Variants in DCDC2 observed in about 807,000 individuals in gnomAD.
DCDC2 encodes the protein doublecortin domain containing 2.
Under a neutral mutation model 50.2 loss-of-function variants are expected in DCDC2, and 40 were observed. The ratio of observed to expected loss-of-function variants is 0.80; its 90% CI spans 0.62 to 1.04. The LOEUF (loss-of-function observed/expected upper bound fraction) is 1.04, where lower values mean the gene tolerates loss of function less well. Among genes scored for constraint, DCDC2 ranks in the 50% least tolerant of loss-of-function variants. DCDC2 has a pLI of 0.00. For synonymous variants in DCDC2, 234 were observed against 210.6 expected (o/e 1.11, Z -0.96); for missense variants, 570 against 581.9 (o/e 0.98, Z 0.21).
At chr6:24,203,472 T>C (rs1238914736) in intron 8 of DCDC2, among the ~76,000 whole-genome samples, 1 of 152,116 alleles carries the variant, frequency 6.6e-6, no homozygotes, top group Non-Finnish European at 1.5e-5. Flanking sequence ...TTACATCTTA[T>C]AGAAAAATTA....
chr6:24,369,154 C>A, the DCDC2 span, among the ~76,000 whole-genome samples: 161 of 121,428 alleles, frequency 1.3e-3, no homozygotes, highest in African/African-American at 1.9e-3. Flanking sequence ...AAAAAAAAAA[C>A]CAAAAAGAGA....
the DCDC2 span, among the ~76,000 whole-genome samples, chr6:24,366,929 C>G: frequency 3.3e-5 from 5 of 151,968 alleles, no homozygotes; most frequent in Non-Finnish European, 5.9e-5. Context: ...AACTTCTAGG[C>G]TTAAGCAATC....
intron 6 of DCDC2, among the ~76,000 whole-genome samples, chr6:24,285,339 G>A (rs1027315110): frequency 6.6e-5 from 10 of 152,266 alleles, no homozygotes; most frequent in South Asian, 2.1e-4. Context: ...TTTGCTTAAC[G>A]TCACTTCCTC....
chr6:24,191,883 A>T (rs776971460), intron 8 of DCDC2, among the ~76,000 whole-genome samples: 1 of 152,204 alleles, frequency 6.6e-6, no homozygotes, highest in Non-Finnish European at 1.5e-5. Context: ...TGGATGGATG[A>T]CAGCAGACCT....
intron 7 of DCDC2, among the ~76,000 whole-genome samples, chr6:24,273,533 T>C (rs1237668112): frequency 2.0e-5 from 3 of 152,210 alleles, no homozygotes; most frequent in African/African-American, 7.2e-5. Context: ...TAAACAACAC[T>C]AGTGTGCCAC....
At chr6:24,340,658 G>C (rs558808336) in intron 2 of DCDC2, among the ~76,000 whole-genome samples, 1 of 152,264 alleles carries the variant, frequency 6.6e-6, no homozygotes, top group East Asian at 1.9e-4. Context: ...TGAATATGGA[G>C]TTTTATCACT....
At chr6:24,238,730 C>T (rs1264674135) in intron 7 of DCDC2, among the ~76,000 whole-genome samples, 1 of 152,196 alleles carries the variant, frequency 6.6e-6, no homozygotes, top group African/African-American at 2.4e-5. Flanking sequence ...CAATATCTGT[C>T]TTCAAATACC....
intron 8 of DCDC2, among the ~76,000 whole-genome samples, chr6:24,179,254 A>G (rs901992319): frequency 6.6e-6 from 1 of 152,180 alleles, no homozygotes. Context: ...CTGTAAGAAT[A>G]ATAAATGCTG....
rs373547216 is a variant in DCDC2, at chr6:24,190,991, C to T, written c.1024-12359G>A. Reference sequence around the variant, plus strand: ...AGAGGACCAAACTGGAAGACAGGACCGCTGTGCTAATTCTACTACCAACGG... The same window carrying T: ...AGAGGACCAAACTGGAAGACAGGACTGCTGTGCTAATTCTACTACCAACGG... On this transcript the variant is annotated intron_variant, in intron 8 of 9. Coordinates refer to ENST00000378454, the MANE Select transcript of DCDC2 (RefSeq NM_016356.5). Among the ~76,000 whole-genome samples the T allele has an allele frequency of 3.3e-5, 5 of 152,284 alleles. No individual in the cohort carries two copies. In the South Asian group the frequency reaches 8.3e-4, roughly 25 times the overall value.
the DCDC2 span, among the ~76,000 whole-genome samples, chr6:24,366,932 A>G: frequency 6.6e-6 from 1 of 151,948 alleles, no homozygotes; most frequent in Non-Finnish European, 1.5e-5. Context: ...TTCTAGGCTT[A>G]AGCAATCCTC....
chr6:24,239,697 C>A (rs1260703947), intron 7 of DCDC2, among the ~76,000 whole-genome samples: 1 of 152,154 alleles, frequency 6.6e-6, no homozygotes, highest in Non-Finnish European at 1.5e-5. Flanking sequence ...AATCCAGGAG[C>A]TGCCTACAGC....
the DCDC2 span, among the ~76,000 whole-genome samples, chr6:24,370,851 C>T: frequency 6.6e-6 from 1 of 152,090 alleles, no homozygotes; most frequent in Non-Finnish European, 1.5e-5. Flanking sequence ...ACTCATGTGT[C>T]CATCAATTGA....
At chr6:24,194,851 G>A (rs1033075184) in intron 8 of DCDC2, among the ~76,000 whole-genome samples, 5 of 152,106 alleles carry the variant, frequency 3.3e-5, no homozygotes, top group Non-Finnish European at 7.3e-5. Flanking sequence ...ACTCACCTCT[G>A]AGAAAACACG....
chr6:24,207,302 C>G (rs1023477742), intron 7 of DCDC2, among the ~76,000 whole-genome samples: 3 of 151,416 alleles, frequency 2.0e-5, no homozygotes, highest in African/African-American at 7.3e-5. Flanking sequence ...CACACACACA[C>G]ACACAGACAC....
chr6:24,200,628 G>A (rs544653331), intron 8 of DCDC2, among the ~76,000 whole-genome samples: 18 of 152,212 alleles, frequency 1.2e-4, no homozygotes, highest in African/African-American at 4.3e-4. Context: ...CATAATGACA[G>A]GATAAAATTC....
intron 8 of DCDC2, among the ~76,000 whole-genome samples, chr6:24,189,053 T>C (rs980876047): frequency 2.0e-5 from 3 of 152,158 alleles, no homozygotes; most frequent in Non-Finnish European, 2.9e-5. Context: ...GCTCGTAATA[T>C]TTATTATTAG....
At chr6:24,194,792 C>A (rs1334879637) in intron 8 of DCDC2, among the ~76,000 whole-genome samples, 1 of 152,154 alleles carries the variant, frequency 6.6e-6, no homozygotes, top group Non-Finnish European at 1.5e-5. Flanking sequence ...AACATGCATA[C>A]ACAAAACAGG....
intron 7 of DCDC2, among the ~76,000 whole-genome samples, chr6:24,263,323 T>C (rs893254811): frequency 2.6e-5 from 4 of 152,188 alleles, no homozygotes; most frequent in Non-Finnish European, 4.4e-5. Context: ...AACCGTTCAA[T>C]GCTCGGACAT....
Position 24,349,739 on chromosome 6 carries a change from C to T in DCDC2, c.348+3830G>A, listed in dbSNP as rs116770605. ...GAAAACTGTCTTCATTAAACCACCA[C>T]TGACACAGGGAAAGTGGGAGGAAAA... is the stretch of plus-strand genomic sequence containing the variant. On this transcript the variant is annotated intron_variant, in intron 2 of 9. Transcript: ENST00000378454. Among the ~76,000 whole-genome samples, 705 of 152,264 alleles carry T rather than the reference C, an allele frequency of 4.6e-3. 3 individuals are homozygous for T. The highest frequency in any genetic ancestry group is 0.016 in the African/African-American group (667 of 41,538).
Sources: gnomAD v4.1 joint callset for allele counts (sites outside exome capture counted in the v4.1 genomes callset) on GRCh38, gnomAD v4.1.1 for gene constraint, MANE v1.5 for transcripts, NCBI Gene and HGNC (gene_info 2026-07-23, HGNC 2026-07-21) for gene names.